Variants in BAZ1A observed in about 807,000 individuals in gnomAD.
BAZ1A encodes bromodomain adjacent to zinc finger domain protein 1A.
A neutral mutation model predicts 185.2 loss-of-function variants in BAZ1A; 50 were observed. That is an observed-to-expected ratio of 0.27 (90% confidence interval 0.22 to 0.34). The LOEUF is 0.34. BAZ1A is among the 10% of genes least tolerant of loss of function. The pLI is 1.00. For missense variants in BAZ1A, 1,356 were observed against 1,839.9 expected (o/e 0.74, Z 4.81); for synonymous variants, 571 against 615.6 (o/e 0.93, Z 1.07).
At chr14:34,783,965 G>A (rs374237713) in intron 14 of BAZ1A, 38 bp from the exon 15 acceptor site, 365 of 1,523,840 alleles carry the variant, frequency 2.4e-4, no homozygotes, top group Non-Finnish European at 2.9e-4. Context: ...ATTATAAATC[G>A]CAGCAAATGA....
At chr14:34,825,844 A>T (rs182581732) in intron 4 of BAZ1A, among the ~76,000 whole-genome samples, 169 bp downstream of exon 4, 11 of 152,272 alleles carry the variant, frequency 7.2e-5, no homozygotes, top group Non-Finnish European at 1.3e-4. Context: ...AGGCTGAGGC[A>T]GGAGAATCAC....
Position 34,776,450 on chromosome 14 carries a change from C to T in BAZ1A, c.2302G>A (p.Glu768Lys), listed in dbSNP as rs764565612. The change falls in exon 18 of 27, where the codon GAG becomes AAG. Residue 768 changes from glutamate to lysine, a missense_variant. Glu to Lys is a moderately conservative substitution (Grantham distance 56). Around this residue, in one of 7 missense-constraint regions of BAZ1A, gnomAD observed 434 missense variants for 561.7 expected, o/e 0.77. Transcript: ENST00000360310. Reference protein sequence around the residue: ...RQEQINCVTREPLTADEEEAL... With the variant: ...RQEQINCVTRKPLTADEEEAL... ...TCTTCCTCATCAGCAGTAAGAGGCTCTCTTGTTACACAGTTGATCTGTTCT... is the reference window on the plus strand; with the variant it reads ...TCTTCCTCATCAGCAGTAAGAGGCTTTCTTGTTACACAGTTGATCTGTTCT... 9 of 1,613,894 alleles carry T rather than the reference C, an allele frequency of 5.6e-6. No individual in the cohort carries two copies. In the South Asian group the frequency reaches 9.9e-5, roughly 18 times the overall value.
intron 3 of BAZ1A, among the ~76,000 whole-genome samples, chr14:34,848,856 C>T (rs752610338): frequency 7.9e-5 from 12 of 152,104 alleles, no homozygotes; most frequent in Non-Finnish European, 1.5e-4. Context: ...GTCTGTTAGT[C>T]AAAGCTGAAA....
chr14:34,806,510 G>A (rs72678750), intron 6 of BAZ1A, among the ~76,000 whole-genome samples: 1,743 of 152,200 alleles, frequency 0.011, 18 homozygotes, highest in Non-Finnish European at 0.017. Context: ...CTTCGGAGTA[G>A]CTGGGACCAC....
chr14:34,776,772 T>G (rs1879645219), intron 17 of BAZ1A, among the ~76,000 whole-genome samples: 1 of 152,152 alleles, frequency 6.6e-6, no homozygotes, highest in Non-Finnish European at 1.5e-5. Flanking sequence ...CCAGAGATCT[T>G]GTTATCTGAC....
At chr14:34,804,418 C>T (rs1157924140) in intron 6 of BAZ1A, among the ~76,000 whole-genome samples, 8 of 152,176 alleles carry the variant, frequency 5.3e-5, no homozygotes, top group Non-Finnish European at 1.2e-4. Flanking sequence ...GTGCCATTTA[C>T]TGAAATACCT....
chr14:34,867,954 C>T (rs572057281), intron 2 of BAZ1A, among the ~76,000 whole-genome samples: 18 of 152,256 alleles, frequency 1.2e-4, no homozygotes, highest in African/African-American at 4.1e-4. Flanking sequence ...ATGTAACTAA[C>T]GAAACTTACA....
intron 17 of BAZ1A, among the ~76,000 whole-genome samples, chr14:34,777,980 G>A (rs773172864): frequency 2.0e-4 from 30 of 152,226 alleles, no homozygotes; most frequent in Admixed American, 1.2e-3. Flanking sequence ...GTGACAGAGC[G>A]AGACTCCACC....
intron 4 of BAZ1A, among the ~76,000 whole-genome samples, chr14:34,814,820 A>T (rs1190850379): frequency 2.0e-5 from 3 of 146,560 alleles, no homozygotes; most frequent in African/African-American, 7.6e-5. Flanking sequence ...GTTGCCCAGG[A>T]TGGAGTGCAA....
At chr14:34,777,644 CAA>C (rs58853458) in intron 17 of BAZ1A, among the ~76,000 whole-genome samples, 6 of 125,758 alleles carry the variant, frequency 4.8e-5, no homozygotes, top group Admixed American at 8.0e-5. Flanking sequence ...ACTCTGTCTC[CAA>C]AAAAAAAAAA....
rs746446217 is a variant in BAZ1A, at chr14:34,775,883, GA to G, written c.2833+35del. The G allele has an allele frequency of 9.2e-6, 14 of 1,517,562 alleles. No individual in the cohort carries two copies. The Middle Eastern group carries it at 7.2e-4, about 78-fold the overall frequency. 94.0% of individuals were successfully genotyped at this position (1,517,562 alleles called of 1,614,324 possible). A position where few individuals can be genotyped will look rare whatever the true frequency, so the allele number is the denominator to read the frequency against. ...TGAATGACCAGAGATTAGGGGGAGG[GA>G]AAAAAAGTAAAAACAATTTTCATTG... On this transcript the variant is annotated intron_variant, in intron 18 of 26. Coordinates refer to ENST00000360310, the MANE Select transcript of BAZ1A (RefSeq NM_013448.3).
At chr14:34,834,436 G>A (rs1471646607) in intron 3 of BAZ1A, among the ~76,000 whole-genome samples, 1 of 152,194 alleles carries the variant, frequency 6.6e-6, no homozygotes, top group Non-Finnish European at 1.5e-5. Flanking sequence ...ACTGACCACA[G>A]TAGGTCCCAC....
At chr14:34,820,694 T>A (rs2042076817) in intron 4 of BAZ1A, among the ~76,000 whole-genome samples, 1 of 152,228 alleles carries the variant, frequency 6.6e-6, no homozygotes, top group Admixed American at 6.5e-5. Flanking sequence ...TTCTAGGGGT[T>A]TTACACTTAG....
At chr14:34,857,297 C>T (rs540460244) in intron 3 of BAZ1A, among the ~76,000 whole-genome samples, 67 of 152,196 alleles carry the variant, frequency 4.4e-4, no homozygotes, top group East Asian at 3.3e-3. Context: ...TGAGCCACAA[C>T]GCACCCAGTC....
chr14:34,801,889 G>T (rs533127067), intron 7 of BAZ1A, among the ~76,000 whole-genome samples: 1 of 139,790 alleles, frequency 7.2e-6, no homozygotes, highest in Non-Finnish European at 1.5e-5. Flanking sequence ...ATGGGTGACA[G>T]AGTGAGACTC....
chr14:34,754,646 CA>C (rs1345261764), intron 26 of BAZ1A, among the ~76,000 whole-genome samples, 180 bp downstream of exon 26: 3 of 152,072 alleles, frequency 2.0e-5, no homozygotes, highest in Admixed American at 2.0e-4. Flanking sequence ...CTTTCATCCC[CA>C]CATACACTAA....
intron 23 of BAZ1A, 88 bp from the exon 24 acceptor site, chr14:34,762,311 T>G (rs1886559858): frequency 7.8e-7 from 1 of 1,283,006 alleles, no homozygotes; most frequent in African/African-American, 1.5e-5. Context: ...ATTTAGCCAA[T>G]GAGTTTATAC....
chr14:34,833,114 C>T (rs1038330349), intron 3 of BAZ1A, among the ~76,000 whole-genome samples: 2 of 152,078 alleles, frequency 1.3e-5, no homozygotes, highest in Non-Finnish European at 2.9e-5. Flanking sequence ...TGGTGGTGCA[C>T]ATCAGTGGTC....
chr14:34,773,861 A>G (rs1004588814), intron 19 of BAZ1A, 135 bp from the exon 20 acceptor site: 5 of 959,816 alleles, frequency 5.2e-6, no homozygotes, highest in Admixed American at 5.3e-5. Context: ...GTATCTAAAA[A>G]TAAGGTTACT....
Sources: allele counts gnomAD v4.1 joint callset (sites outside exome capture counted in the v4.1 genomes callset), GRCh38; gene constraint gnomAD v4.1.1; regional missense constraint gnomAD v4.1.1; transcripts MANE v1.5; gene names NCBI Gene and HGNC (gene_info 2026-07-23, HGNC 2026-07-21).